The following ZNF385D variants were observed in gnomAD, a reference collection of about 807,000 sequenced individuals.
ZNF385D encodes zinc finger protein 659.
In ZNF385D, 15 loss-of-function variants were observed where a neutral mutation model predicts 35.8. That is an observed-to-expected ratio of 0.42 (90% CI 0.28 to 0.64). The LOEUF (loss-of-function observed/expected upper bound fraction) is 0.64. ZNF385D is among the 30% of genes least tolerant of loss of function. The pLI is 0.23. For missense variants in ZNF385D, 474 were observed against 494.6 expected (o/e 0.96, Z 0.39); for synonymous variants, 212 against 186.8 (o/e 1.13, Z -1.10).
At chr3:21,947,400 G>A (rs1701846050) in intron 3 of ZNF385D, among the ~76,000 whole-genome samples, 1 of 151,936 alleles carries the variant, frequency 6.6e-6, no homozygotes, top group African/African-American at 2.4e-5. Flanking sequence ...CGCCCAGATT[G>A]TGTGCAATGG....
chr3:21,464,743 A>AACACACACACACATACACACAC (rs1553589982), intron 4 of ZNF385D, among the ~76,000 whole-genome samples: 5 of 150,198 alleles, frequency 3.3e-5, no homozygotes, highest in Admixed American at 6.6e-5. Flanking sequence ...AATAAATTAA[A>AACACACACACACATACACACAC]ACACACACAC....
chr3:21,452,945 T>G (rs1226382697), intron 4 of ZNF385D, among the ~76,000 whole-genome samples: 1 of 151,730 alleles, frequency 6.6e-6, no homozygotes, highest in African/African-American at 2.4e-5. Flanking sequence ...GAGAATAAAG[T>G]TAGAAGAATC....
At chr3:21,963,153 T>C (rs1404076938) in intron 3 of ZNF385D, among the ~76,000 whole-genome samples, 1 of 152,196 alleles carries the variant, frequency 6.6e-6, no homozygotes, top group African/African-American at 2.4e-5. Flanking sequence ...CTCATTTTCT[T>C]TTCTGGATAT....
At chr3:21,799,878 A>G (rs9869184) in intron 3 of ZNF385D, among the ~76,000 whole-genome samples, 35,223 of 152,088 alleles carry the variant, frequency 0.23, 4,357 homozygotes, top group East Asian at 0.38. Context: ...GAGTTTTATA[A>G]CTTTAGAATG....
rs1300300064 is a variant in ZNF385D at position 22,105,157 on chromosome 3, T to C, written c.325+63660A>G. ...TATTTACATACATGTGGCAAGGCTA[T>C]GGGAAGTAGGCAGAAGGGATATAAT... On this transcript the variant is annotated intron_variant, in intron 3 of 5. Transcript: ENST00000494108. Among the ~76,000 whole-genome samples the C allele has an allele frequency of 3.3e-5, 5 of 152,220 alleles. No homozygotes were observed. The East Asian group carries it at 9.7e-4, about 29-fold the overall frequency.
intron 3 of ZNF385D, among the ~76,000 whole-genome samples, chr3:21,847,015 C>G (rs1696048917): frequency 6.6e-6 from 1 of 152,022 alleles, no homozygotes; most frequent in African/African-American, 2.4e-5. Context: ...CCTTCTCAAG[C>G]CCCAACCAGG....
chr3:21,962,892 A>G (rs1702675647), intron 3 of ZNF385D, among the ~76,000 whole-genome samples: 1 of 152,200 alleles, frequency 6.6e-6, no homozygotes, highest in Non-Finnish European at 1.5e-5. Context: ...TGGAGTCACC[A>G]TTACTCTAAT....
At chr3:21,587,033 A>G (rs1473998129) in intron 2 of ZNF385D, among the ~76,000 whole-genome samples, 2 of 152,166 alleles carry the variant, frequency 1.3e-5, no homozygotes, top group Admixed American at 6.6e-5. Context: ...TAAACGTATG[A>G]AAGAATGTTA....
chr3:22,092,619 T>A lies in ZNF385D; in HGVS notation c.325+76198A>T, dbSNP rs181340636. On this transcript the variant is annotated intron_variant, in intron 3 of 5. Coordinates refer to the ZNF385D transcript ENST00000494108. ...GTTCCAGACCCTCTTGCTTCTATTATGTATCAATTCAGCCTTATGGGTAGT... is the reference window on the plus strand; with the variant it reads ...GTTCCAGACCCTCTTGCTTCTATTAAGTATCAATTCAGCCTTATGGGTAGT... 2.0e-5 allele frequency among the ~76,000 whole-genome samples: 3 copies of A among 152,164 alleles called. No individual in the cohort carries two copies. In the East Asian group the frequency reaches 5.8e-4, roughly 29 times the overall value.
At chr3:22,130,948 AT>A (rs1187655203) in intron 3 of ZNF385D, among the ~76,000 whole-genome samples, 2 of 152,146 alleles carry the variant, frequency 1.3e-5, no homozygotes, top group Non-Finnish European at 2.9e-5. Flanking sequence ...TTAATTAGCT[AT>A]AGACTATCTG....
chr3:22,172,702 T>C (rs1053635843), intron 2 of ZNF385D, among the ~76,000 whole-genome samples: 6 of 152,134 alleles, frequency 3.9e-5, no homozygotes, highest in Admixed American at 1.3e-4. Context: ...CTGGAGCAAC[T>C]TGAGCAATAA....
intron 2 of ZNF385D, among the ~76,000 whole-genome samples, chr3:21,640,477 G>T (rs11919688): frequency 0.45 from 68,063 of 151,850 alleles, 16,270 homozygotes; most frequent in Non-Finnish European, 0.54. Context: ...ATGGTACTAA[G>T]AGGTGAGACC....
intron 2 of ZNF385D, among the ~76,000 whole-genome samples, chr3:21,607,249 T>C (rs2064510240): frequency 6.6e-6 from 1 of 152,126 alleles, no homozygotes; most frequent in South Asian, 2.1e-4. Flanking sequence ...AAATGATGGA[T>C]CTTTATTGTT....
rs575072872 is a variant in ZNF385D, at chr3:22,240,714, A to T, written c.107-71679T>A. On this transcript the variant is annotated intron_variant, in intron 2 of 5. Coordinates refer to the ZNF385D transcript ENST00000494108. ...ATCCTTGTCAGGCAAAGGATGTTAGACAAATAACACGTCAAACATTGTGTA... is the reference window on the plus strand; with the variant it reads ...ATCCTTGTCAGGCAAAGGATGTTAGTCAAATAACACGTCAAACATTGTGTA... Among the ~76,000 whole-genome samples, 87 of 151,126 alleles carry T rather than the reference A, an allele frequency of 5.8e-4. 1 individual carries two copies. The highest frequency in any genetic ancestry group is 5.9e-4 in the Admixed American group (9 of 15,190).
Position 21,564,612 on chromosome 3 carries a change from T to A in ZNF385D, c.238A>T (p.Ile80Leu). 6.4e-7 allele frequency: 1 copy of A among 1,570,544 alleles called. No individual in the cohort carries two copies. The highest frequency in any genetic ancestry group is 8.6e-7 in the Non-Finnish European group (1 of 1,157,536). The change falls in exon 3 of 8, where the codon ATA becomes TTA. Residue 80 changes from isoleucine to leucine, a missense_variant. Coordinates refer to ENST00000281523, the MANE Select transcript of ZNF385D (RefSeq NM_024697.3). The part of the protein sequence containing the change: ...VPLPHRRKQI[I>L]SCNICQLRFN... ...CTCAACTGGCAAATGTTGCATGATA[T>A]GATTTGCTTTCTTCGGTGGGGAAGA...
At chr3:21,625,700 C>CG (rs1460817356) in intron 2 of ZNF385D, among the ~76,000 whole-genome samples, 1 of 152,056 alleles carries the variant, frequency 6.6e-6, no homozygotes, top group Non-Finnish European at 1.5e-5. Context: ...TATTCCTGTG[C>CG]TGTTCAAGAT....
chr3:22,221,114 T>C (rs975890867), intron 2 of ZNF385D, among the ~76,000 whole-genome samples: 1 of 152,124 alleles, frequency 6.6e-6, no homozygotes, highest in African/African-American at 2.4e-5. Flanking sequence ...GTGATGTATG[T>C]GTGCGAGTGT....
intron 3 of ZNF385D, among the ~76,000 whole-genome samples, chr3:21,525,589 G>T (rs944342247): frequency 2.9e-4 from 44 of 150,918 alleles, no homozygotes; most frequent in African/African-American, 1.0e-3. Flanking sequence ...GAGGCTGAGG[G>T]AGGAGAATTG....
At chr3:21,755,806 T>A (rs1242821580), upstream of ZNF385D, among the ~76,000 whole-genome samples, 1 of 152,220 alleles carries the variant, frequency 6.6e-6, no homozygotes, top group Non-Finnish European at 1.5e-5. Context: ...TAACATCTTA[T>A]GAATGCCTAT....
Sources: allele counts gnomAD v4.1 joint callset (sites outside exome capture counted in the v4.1 genomes callset), GRCh38; gene constraint gnomAD v4.1.1; transcripts MANE v1.5; gene names NCBI Gene and HGNC (gene_info 2026-07-23, HGNC 2026-07-21).